The following TGIF1 variants were observed in gnomAD, a reference collection of about 807,000 sequenced individuals.
The protein encoded by TGIF1 is TGFB induced factor homeobox 1, also known as homeobox protein TGIF1.
A neutral mutation model predicts 19.3 loss-of-function variants in TGIF1; 4 were observed. That is an observed-to-expected ratio of 0.21 (90% CI 0.10 to 0.47). TGIF1 has a LOEUF of 0.47. Among genes scored for constraint, TGIF1 ranks in the 20% least tolerant of loss-of-function variants. The pLI is 0.98. For missense variants in TGIF1, 275 were observed against 341.4 expected, an observed-to-expected ratio of 0.81 and a Z score of 1.53; for synonymous variants, 122 against 129.3, an observed-to-expected ratio of 0.94 and a Z score of 0.38.
In TGIF1 at chr18:3,457,730, A is replaced by G. The variant is rs759756166; in HGVS notation, c.609A>G (p.Ile203Met). The change falls in exon 3 of 3, where the codon ATA becomes ATG. Residue 203 changes from isoleucine to methionine, a missense_variant. Coordinates refer to ENST00000343820, the MANE Select transcript of TGIF1 (RefSeq NM_003244.4). This position sits in a 1 kb window ranked among gnomAD's most constrained non-coding sequence, Gnocchi z 4.9. Reference sequence around the variant, plus strand: ...GACAAAACACAGATATACAGCAGATAGCGGCCAAAAACTTCACAGACACCT... The same window carrying G: ...GACAAAACACAGATATACAGCAGATGGCGGCCAAAAACTTCACAGACACCT... ...GVGQNTDIQQ[I>M]AAKNFTDTSL... 20 of 1,614,100 alleles carry G rather than the reference A, an allele frequency of 1.2e-5. No homozygotes were observed. The Admixed American group carries it at 3.3e-4, about 27-fold the overall frequency.
intron 1 of TGIF1, chr18:3,412,840 G>A (rs1369693984): frequency 2.0e-5 from 3 of 152,330 alleles, no homozygotes; most frequent in Middle Eastern, 3.4e-3. Flanking sequence ...GGGAGACCCT[G>A]TCTCTACAAA....
Position 3,451,792 on chromosome 18 carries a change from AC to A in TGIF1, c.16+1291del. 1.5e-6 allele frequency: 2 copies of A among 1,292,152 alleles called. No homozygotes were observed. Among genetic ancestry groups the A allele is most frequent in the Non-Finnish European group, 2.0e-6 (2 of 1,020,834 alleles). The allele number at this position is 1,292,152 out of a possible 1,614,324, so 80.0% of individuals were successfully genotyped here. On this transcript the variant is annotated intron_variant, in intron 1 of 2. Coordinates refer to ENST00000343820, the MANE Select transcript of TGIF1 (RefSeq NM_003244.4). The surrounding 1 kb of genome is among the most constrained non-coding windows in gnomAD (Gnocchi z 5.4). The stretch of plus-strand genomic sequence containing the variant: ...TCGTTGTTGGTAGAACGCCCTAAGG[AC>A]CCCTCCCCGCGGGACGGAGGGAGGA...
intron 2 of TGIF1, among the ~76,000 whole-genome samples, chr18:3,440,013 C>T (rs1485124608): frequency 6.7e-6 from 1 of 149,684 alleles, no homozygotes; most frequent in African/African-American, 2.5e-5. Flanking sequence ...AGAGGAAGAC[C>T]CTGTCTCAAA....
intron 1 of TGIF1, among the ~76,000 whole-genome samples, chr18:3,454,679 T>A (rs1451778882): frequency 2.0e-5 from 3 of 152,204 alleles, no homozygotes; most frequent in African/African-American, 4.8e-5. Context: ...AAAACCTTTT[T>A]AAAAACTTAA....
chr18:3,449,936 G>GATGCGGGCGGTCCGTGCGCGGC (rs1208220313), upstream of TGIF1: 70 of 986,388 alleles, frequency 7.1e-5, no homozygotes, highest in Non-Finnish European at 8.4e-5. Flanking sequence ...CCGGGCGAGG[G>GATGCGGGCGGTCCGTGCGCGGC]ATGCGGGCGG....
upstream of TGIF1, chr18:3,450,167 C>T: frequency 4.6e-6 from 6 of 1,294,512 alleles, no homozygotes; most frequent in Non-Finnish European, 4.9e-6. Context: ...CTCCTCGCCT[C>T]TCTCACTCTG....
At chr18:3,439,836 C>A (rs541369602) in intron 2 of TGIF1, among the ~76,000 whole-genome samples, 1 of 151,580 alleles carries the variant, frequency 6.6e-6, no homozygotes, top group Non-Finnish European at 1.5e-5. Flanking sequence ...GACTGGGCAA[C>A]GTAGTGAAAC....
At chr18:3,432,655 C>T (rs2082563778) in intron 2 of TGIF1, among the ~76,000 whole-genome samples, 1 of 152,014 alleles carries the variant, frequency 6.6e-6, no homozygotes, top group African/African-American at 2.4e-5. Flanking sequence ...GTAGTGTGTG[C>T]GCCTGTGTTT....
At chr18:3,436,792 C>T (rs2082619715) in intron 2 of TGIF1, among the ~76,000 whole-genome samples, 1 of 151,452 alleles carries the variant, frequency 6.6e-6, no homozygotes. Context: ...GCACTCCAGC[C>T]TGGGAGATAG....
In TGIF1 at chr18:3,457,914, G is replaced by C. The variant is rs2049416049; in HGVS notation, c.793G>C (p.Glu265Gln). 6.2e-7 allele frequency: 1 copy of C among 1,600,890 alleles called. No individual in the cohort carries two copies. Residue 265 changes from glutamate to glutamine, a missense_variant, in exon 3 of 3, where the codon GAG becomes CAG. Glu to Gln is a conservative substitution (Grantham distance 29, BLOSUM62 2). Coordinates refer to ENST00000343820, the MANE Select transcript of TGIF1 (RefSeq NM_003244.4). The surrounding 1 kb of genome is among the most constrained non-coding windows in gnomAD (Gnocchi z 4.9). ...TGCACTCAAACGGGCTGCAGAGATG[G>C]AGCTTCAGGCAAAACTTACAGCTTA... ...DVALKRAAEMELQAKLTA is the reference protein window; with the variant it reads ...DVALKRAAEMQLQAKLTA
intron 1 of TGIF1, chr18:3,452,444 C>A: frequency 1.2e-6 from 2 of 1,607,940 alleles, no homozygotes; most frequent in Non-Finnish European, 1.7e-6. Context: ...GCCGAGGCTG[C>A]CGAGGTTACC....
In TGIF1 at chr18:3,412,531, C is replaced by A. The variant is rs138526015; in HGVS notation, c.-118+277C>A. Among the ~76,000 whole-genome samples the A allele has an allele frequency of 5.2e-4, 79 of 152,270 alleles. 2 individuals carry two copies. In the East Asian group the frequency reaches 8.5e-3, roughly 16 times the overall value. Reference sequence around the variant, plus strand: ...GAGCAGGTGCGCTTCTAAACGAGCACGCATAGGGAAAATGCACTCTAAATT... The same window carrying A: ...GAGCAGGTGCGCTTCTAAACGAGCAAGCATAGGGAAAATGCACTCTAAATT... On this transcript the variant is annotated intron_variant, in intron 1 of 3. Transcript: ENST00000401449.
chr18:3,416,440 C>CA (rs1409171817), intron 1 of TGIF1, among the ~76,000 whole-genome samples: 1 of 151,968 alleles, frequency 6.6e-6, no homozygotes, highest in African/African-American at 2.4e-5. Context: ...CACTTGAACC[C>CA]AGGAGGCAGA....
At chr18:3,413,653 T>C (rs2082297307) in intron 1 of TGIF1, among the ~76,000 whole-genome samples, 1 of 152,132 alleles carries the variant, frequency 6.6e-6, no homozygotes, top group Admixed American at 6.5e-5. Context: ...GAGGATCACT[T>C]GAACTCGGGA....
upstream of TGIF1, among the ~76,000 whole-genome samples, chr18:3,446,047 A>T (rs184539735): frequency 1.7e-3 from 254 of 152,120 alleles, no homozygotes; most frequent in Non-Finnish European, 2.6e-3. Flanking sequence ...TTGACTTTTT[A>T]AAAAAAATAA....
chr18:3,448,361 C>T (rs2082787971), upstream of TGIF1: 7 of 1,008,264 alleles, frequency 6.9e-6, no homozygotes, highest in South Asian at 8.0e-5. Context: ...GAGGCGGCCC[C>T]CTCTAACGGG....
chr18:3,443,833 A>G (rs1004451924), intron 2 of TGIF1, among the ~76,000 whole-genome samples: 2 of 149,816 alleles, frequency 1.3e-5, no homozygotes, highest in African/African-American at 4.9e-5. Context: ...GTACCTGGCC[A>G]TGAGTACTTC....
chr18:3,440,170 GCAAAAC>G (rs1030108956), intron 2 of TGIF1, among the ~76,000 whole-genome samples: 32 of 152,032 alleles, frequency 2.1e-4, no homozygotes, highest in Admixed American at 7.9e-4. Context: ...GGCCAACATG[GCAAAAC>G]CCGGTCTCTA....
chr18:3,440,071 A>T (rs2082663198), intron 2 of TGIF1, among the ~76,000 whole-genome samples: 1 of 151,934 alleles, frequency 6.6e-6, no homozygotes, highest in African/African-American at 2.4e-5. Context: ...CACCCTTGAA[A>T]AGGAGCTCTA....
Sources: allele counts gnomAD v4.1 joint callset (sites outside exome capture counted in the v4.1 genomes callset), GRCh38; gene constraint gnomAD v4.1.1; non-coding constraint Gnocchi (gnomAD v3.1); transcripts MANE v1.5; gene names NCBI Gene and HGNC (gene_info 2026-07-23, HGNC 2026-07-21).